Variants in TTC13 observed in about 807,000 individuals in gnomAD.
TTC13 encodes the protein tetratricopeptide repeat domain 13, also known as tetratricopeptide repeat protein 13.
A neutral mutation model predicts 120.0 loss-of-function variants in TTC13; 62 were observed. The ratio of observed to expected loss-of-function variants is 0.52; its 90% confidence interval spans 0.42 to 0.64. The LOEUF (loss-of-function observed/expected upper bound fraction) is 0.64, where lower values mean the gene tolerates loss of function less well. Ranked by LOEUF, TTC13 falls within the 30% of genes least tolerant of loss-of-function variation. The pLI is 0.00. For synonymous variants in TTC13, 384 were observed against 393.5 expected, an observed-to-expected ratio of 0.98 and a Z score of 0.28; for missense variants, 824 against 1,050.2, an observed-to-expected ratio of 0.78 and a Z score of 2.98.
In TTC13 at chr1:230,931,735, C is replaced by T; in HGVS notation, c.1125+1G>A. On this transcript the variant is annotated splice_donor_variant, in intron 10 of 22. Coordinates refer to ENST00000366661, the MANE Select transcript of TTC13 (RefSeq NM_024525.5). LOFTEE classifies it high-confidence loss of function. ...CAGTGTTCTTATTTATGGATGCTCACCTTAAAGTTCTTAAGGGCTTCCTGT... is the reference window on the plus strand; with the variant it reads ...CAGTGTTCTTATTTATGGATGCTCATCTTAAAGTTCTTAAGGGCTTCCTGT... The T allele has an allele frequency of 6.2e-7, 1 of 1,613,814 alleles. No homozygotes were observed. The highest frequency in any genetic ancestry group is 8.5e-7 in the Non-Finnish European group (1 of 1,179,912).
At chr1:230,924,535 T>C (rs1407742595) in intron 14 of TTC13, among the ~76,000 whole-genome samples, 1 of 152,194 alleles carries the variant, frequency 6.6e-6, no homozygotes, top group Non-Finnish European at 1.5e-5. Flanking sequence ...GGTTTCACCG[T>C]GTTAGCCAGA....
At position 230,972,420 on chromosome 1, in the gene TTC13, C is replaced by A. The variant is rs1307987099; in HGVS notation, c.271+6140G>T. Among the ~76,000 whole-genome samples, 3 of 152,212 alleles carry A rather than the reference C, an allele frequency of 2.0e-5. No individual in the cohort carries two copies. The South Asian group carries it at 6.2e-4, about 31-fold the overall frequency. On this transcript the variant is annotated intron_variant, in intron 1 of 22. Transcript: ENST00000366661. ...ACCAAAACATAAGAAAAGGAATATG[C>A]TGGAAAGCATTCACCCAAAGTATTA... is the stretch of plus-strand genomic sequence containing the variant.
chr1:230,909,943 G>A (rs1161751281), intron 20 of TTC13, among the ~76,000 whole-genome samples: 1 of 152,202 alleles, frequency 6.6e-6, no homozygotes, highest in East Asian at 1.9e-4. Context: ...CTTGGTGAGG[G>A]AAGAGAGGGA....
intron 3 of TTC13, chr1:230,956,572 ACAAAT>A (rs146310363): frequency 5.7e-4 from 230 of 401,470 alleles, no homozygotes; most frequent in African/African-American, 4.7e-3. Flanking sequence ...TGTTGAATGA[ACAAAT>A]CAATCAATGA....
intron 1 of TTC13, among the ~76,000 whole-genome samples, chr1:230,962,647 T>C (rs1224158865): frequency 2.0e-5 from 3 of 152,286 alleles, no homozygotes; most frequent in South Asian, 2.1e-4. Flanking sequence ...TACATGTTCA[T>C]AGTAGCGCTA....
At chr1:230,922,749 A>G (rs1412509413) in intron 15 of TTC13, among the ~76,000 whole-genome samples, 2 of 152,158 alleles carry the variant, frequency 1.3e-5, no homozygotes, top group African/African-American at 4.8e-5. Flanking sequence ...CCAGGTTCCC[A>G]TGGCATCCTG....
chr1:230,965,277 T>C (rs1297996953), intron 1 of TTC13, among the ~76,000 whole-genome samples: 1 of 152,166 alleles, frequency 6.6e-6, no homozygotes, highest in East Asian at 1.9e-4. Context: ...AACAACTGTA[T>C]TGGAAAAAAT....
At chr1:230,970,951 A>C (rs1677671682) in intron 1 of TTC13, among the ~76,000 whole-genome samples, 1 of 152,218 alleles carries the variant, frequency 6.6e-6, no homozygotes, top group South Asian at 2.1e-4. Context: ...TGCGAAGAGA[A>C]GACAGAATTC....
chr1:230,949,940 C>T (rs367773398), intron 4 of TTC13, among the ~76,000 whole-genome samples: 14 of 152,216 alleles, frequency 9.2e-5, no homozygotes, highest in South Asian at 2.1e-4. Context: ...TGAGCCACCA[C>T]GCCCGGCCCA....
At chr1:230,943,206 T>G (rs1013628727) in intron 6 of TTC13, among the ~76,000 whole-genome samples, 1 of 152,172 alleles carries the variant, frequency 6.6e-6, no homozygotes, top group Non-Finnish European at 1.5e-5. Context: ...TCAATGAATA[T>G]TATGTGTTTT....
chr1:230,931,574 C>T, intron 10 of TTC13, 102 bp from the exon 11 acceptor site: 1 of 1,472,086 alleles, frequency 6.8e-7, no homozygotes, highest in East Asian at 2.3e-5. Context: ...TTAAACCAGA[C>T]CTGTAAACTA....
At chr1:230,907,084 C>G (rs1671010693) in intron 22 of TTC13, 65 bp from the exon 23 acceptor site, 1 of 611,628 alleles carries the variant, frequency 1.6e-6, no homozygotes, top group Admixed American at 3.3e-5. Flanking sequence ...AAGGGCAGAG[C>G]TTATATTTAT....
At chr1:230,937,845 A>G (rs1336974726) in intron 8 of TTC13, among the ~76,000 whole-genome samples, 1 of 152,238 alleles carries the variant, frequency 6.6e-6, no homozygotes, top group Non-Finnish European at 1.5e-5. Context: ...AGAAAGTAGA[A>G]TTGTTTCCAC....
intron 22 of TTC13, chr1:230,908,359 A>T: frequency 2.2e-6 from 1 of 454,694 alleles, no homozygotes; most frequent in Non-Finnish European, 4.4e-6. Flanking sequence ...AGCTAATTTT[A>T]AATTTTTTTG....
intron 2 of TTC13, 120 bp from the exon 3 acceptor site, chr1:230,958,419 A>T: frequency 8.8e-7 from 1 of 1,132,732 alleles, no homozygotes; most frequent in Non-Finnish European, 1.2e-6. Flanking sequence ...AGTGGAAGCA[A>T]GAAAATGCCA....
intron 19 of TTC13, 30 bp downstream of exon 19, chr1:230,912,593 G>C (rs529742385): frequency 1.2e-6 from 2 of 1,604,516 alleles, no homozygotes; most frequent in South Asian, 2.2e-5. Context: ...CATAGGAAGA[G>C]CAGAAAAATG....
At position 230,940,270 on chromosome 1, in the gene TTC13, T is replaced by C. The variant is rs1469245885; in HGVS notation, c.789+170A>G. Among the ~76,000 whole-genome samples the C allele has an allele frequency of 6.6e-6, 1 of 152,244 alleles. No homozygotes were observed. Among genetic ancestry groups the C allele is most frequent in the Non-Finnish European group, 1.5e-5 (1 of 68,038 alleles). Reference sequence around the variant, plus strand: ...AAGAAAATGTTTTTAGTACTTAATGTTCTCCACTGGGTTTAATTTCAGCTA... The same window carrying C: ...AAGAAAATGTTTTTAGTACTTAATGCTCTCCACTGGGTTTAATTTCAGCTA... On this transcript the variant is annotated intron_variant, in intron 7 of 22. Coordinates refer to ENST00000366661, the MANE Select transcript of TTC13 (RefSeq NM_024525.5). This position sits in a 1 kb window ranked among gnomAD's most constrained non-coding sequence, Gnocchi z 4.1.
intron 22 of TTC13, 73 bp downstream of exon 22, chr1:230,908,639 T>C: frequency 7.9e-7 from 1 of 1,260,078 alleles, no homozygotes; most frequent in Non-Finnish European, 1.1e-6. Context: ...TTCATAGCGC[T>C]CCAAAGTAAC....
At position 230,939,488 on chromosome 1, in the gene TTC13, T is replaced by TA; in HGVS notation, c.797_798insT (p.Thr267AsnfsTer4). 6.2e-7 allele frequency: 1 copy of TA among 1,605,154 alleles called. No individual in the cohort carries two copies. The highest frequency in any genetic ancestry group is 8.5e-7 in the Non-Finnish European group (1 of 1,173,142). On this transcript the variant is annotated frameshift_variant, in exon 8 of 23. Coordinates refer to ENST00000366661, the MANE Select transcript of TTC13 (RefSeq NM_024525.5). LOFTEE classifies it high-confidence loss of function. Reference sequence around the variant, plus strand: ...ACTGCTGAAAGTCTTCATGGGCTGTTGCATAGTCCTACAAAAAGGAGAGTG... The same window carrying TA: ...ACTGCTGAAAGTCTTCATGGGCTGTTAGCATAGTCCTACAAAAAGGAGAGTG...
Sources: allele counts gnomAD v4.1 joint callset (sites outside exome capture counted in the v4.1 genomes callset), GRCh38; gene constraint gnomAD v4.1.1; non-coding constraint Gnocchi (gnomAD v3.1); transcripts MANE v1.5; gene names NCBI Gene and HGNC (gene_info 2026-07-23, HGNC 2026-07-21).